NDUFS6: variants seen among roughly 807,000 people sequenced by gnomAD.
NDUFS6 encodes NADH:ubiquinone oxidoreductase subunit S6, also known as NADH dehydrogenase [ubiquinone] iron-sulfur protein 6, mitochondrial.
A neutral mutation model predicts 13.2 loss-of-function variants in NDUFS6; 14 were observed. That is an observed-to-expected ratio of 1.06 (90% CI 0.70 to 1.66). The LOEUF (loss-of-function observed/expected upper bound fraction) is 1.66, where lower values mean the gene tolerates loss of function less well. Among genes scored for constraint, NDUFS6 ranks in the 40% most tolerant of loss-of-function variants. The pLI is 0.00. For synonymous variants in NDUFS6, 95 were observed against 72.3 expected, an observed-to-expected ratio of 1.31 and a Z score of -1.60; for missense variants, 206 against 170.8, an observed-to-expected ratio of 1.21 and a Z score of -1.15.
chr5:1,802,139 T>G, intron 1 of NDUFS6, 182 bp from the exon 2 acceptor site: 1 of 594,536 alleles, frequency 1.7e-6, no homozygotes, highest in Non-Finnish European at 3.0e-6. Flanking sequence ...ACCACCCGTT[T>G]TCATCCCAGG....
In NDUFS6 at chr5:1,814,486, A is replaced by C; in HGVS notation, c.309+25A>C. The C allele has an allele frequency of 6.2e-7, 1 of 1,614,106 alleles. No homozygotes were observed. ...GGTGCGTAGCTGGCCACCTGTGCAC[A>C]TGTTAGGGCAGCCTGCTCGTCCTCA... On this transcript the variant is annotated intron_variant, in intron 3 of 3. Transcript: ENST00000274137. The surrounding 1 kb of genome is among the most constrained non-coding windows in gnomAD (Gnocchi z 4.9).
rs1561104749 is a variant in NDUFS6, at chr5:1,807,153, C to CGTGAGGTACTCAGAGGTACTGT, written c.186+4800_186+4801insTGTGAGGTACTCAGAGGTACTG. On this transcript the variant is annotated intron_variant, in intron 2 of 3. Coordinates refer to ENST00000274137, the MANE Select transcript of NDUFS6 (RefSeq NM_004553.6). ...CTGCGTGAGGTACTCAGAGGTACTG[C>CGTGAGGTACTCAGAGGTACTGT]GTGAGGTACTCAGAGGTACTGCGTG... Among the ~76,000 whole-genome samples, 351 of 101,674 alleles carry CGTGAGGTACTCAGAGGTACTGT rather than the reference C, an allele frequency of 3.5e-3. 4 individuals carry two copies. The highest frequency in any genetic ancestry group is 0.011 in the African/African-American group (339 of 31,588). The allele number at this position is 101,674 out of a possible 152,430, so 66.7% of individuals were successfully genotyped here.
At chr5:1,815,700 C>A in intron 3 of NDUFS6, 151 bp from the exon 4 acceptor site, 1 of 854,978 alleles carries the variant, frequency 1.2e-6, no homozygotes, top group Non-Finnish European at 1.9e-6. Context: ...CAGCCTGGAA[C>A]CGAGATCGAC....
chr5:1,801,912 T>G (rs1165153904), intron 1 of NDUFS6, among the ~76,000 whole-genome samples: 1 of 152,240 alleles, frequency 6.6e-6, no homozygotes, highest in East Asian at 1.9e-4. Context: ...AGAAGTCGGT[T>G]GTAGTCCAAG....
At chr5:1,809,069 T>G (rs1734170729) in intron 2 of NDUFS6, among the ~76,000 whole-genome samples, 1 of 152,252 alleles carries the variant, frequency 6.6e-6, no homozygotes, top group Non-Finnish European at 1.5e-5. Flanking sequence ...TAATCTCAGT[T>G]TGACACAATA....
Position 1,801,442 on chromosome 5 carries a change from C to A in NDUFS6, c.25C>A (p.Arg9=), listed in dbSNP as rs376509886. The change falls in exon 1 of 4, where the codon CGG becomes AGG. Residue 9 remains arginine, a synonymous_variant. Coordinates refer to ENST00000274137, the MANE Select transcript of NDUFS6 (RefSeq NM_004553.6). ...AATGGCGGCGGCGATGACCTTCTGC[C>A]GGCTGCTGAACCGGTGTGGCGAGGC... MAAAMTFC[R]LLNRCGEAAR... The A allele has an allele frequency of 1.2e-6, 2 of 1,605,168 alleles. No homozygotes were observed. Among genetic ancestry groups the A allele is most frequent in the East Asian group, 2.2e-5 (1 of 44,780 alleles).
At chr5:1,806,278 C>T (rs1030905007) in intron 2 of NDUFS6, among the ~76,000 whole-genome samples, 1 of 152,186 alleles carries the variant, frequency 6.6e-6, no homozygotes, top group Non-Finnish European at 1.5e-5. Flanking sequence ...CCTTCATCTG[C>T]CCGCCAGTGG....
intron 2 of NDUFS6, among the ~76,000 whole-genome samples, chr5:1,803,842 T>C (rs911115651): frequency 6.6e-6 from 1 of 152,244 alleles, no homozygotes; most frequent in African/African-American, 2.4e-5. Flanking sequence ...GTTAGGTATA[T>C]GAACTTGACA....
At chr5:1,805,472 T>G (rs1014284467) in intron 2 of NDUFS6, among the ~76,000 whole-genome samples, 1 of 152,106 alleles carries the variant, frequency 6.6e-6, no homozygotes, top group Non-Finnish European at 1.5e-5. Flanking sequence ...TGACCGGGGG[T>G]ACCTTCAAAG....
chr5:1,801,436 T>C lies in NDUFS6; in HGVS notation c.19T>C (p.Phe7Leu). ...GCGCAAAATGGCGGCGGCGATGACC[T>C]TCTGCCGGCTGCTGAACCGGTGTGG... is the stretch of plus-strand genomic sequence containing the variant. MAAAMT[F>L]CRLLNRCGEA... The change falls in exon 1 of 4, where the codon TTC (phenylalanine) becomes CTC (leucine). Residue 7 changes from phenylalanine (F) to leucine (L), a missense_variant. Transcript: ENST00000274137. 2 of 1,605,054 alleles carry C rather than the reference T, an allele frequency of 1.2e-6. No individual in the cohort carries two copies. Among genetic ancestry groups the C allele is most frequent in the Non-Finnish European group, 1.7e-6 (2 of 1,178,390 alleles).
At chr5:1,806,103 G>A (rs1263067220) in intron 2 of NDUFS6, among the ~76,000 whole-genome samples, 3 of 152,222 alleles carry the variant, frequency 2.0e-5, no homozygotes, top group Non-Finnish European at 4.4e-5. Context: ...GAAGTTAAAC[G>A]TTAGTGTCTA....
At chr5:1,807,881 C>T (rs1734151710) in intron 2 of NDUFS6, among the ~76,000 whole-genome samples, 1 of 152,150 alleles carries the variant, frequency 6.6e-6, no homozygotes, top group Non-Finnish European at 1.5e-5. Context: ...AGGAAGCAGC[C>T]ACTATTCCTA....
At chr5:1,813,606 C>T (rs1734254348) in intron 2 of NDUFS6, among the ~76,000 whole-genome samples, 1 of 152,130 alleles carries the variant, frequency 6.6e-6, no homozygotes, top group African/African-American at 2.4e-5. Flanking sequence ...TATGGAGACA[C>T]TTTTTTCATT....
rs757343281 is a variant in NDUFS6, at chr5:1,802,314, T to C, written c.133-7T>C. 4 of 1,613,882 alleles carry C rather than the reference T, an allele frequency of 2.5e-6. No homozygotes were observed. The highest frequency in any genetic ancestry group is 3.4e-6 in the Non-Finnish European group (4 of 1,179,846). ...AAGTCACACATGGTCTTTTTGTTTT[T>C]TTCCAGGTTTATGATGATAAAGACT... On this transcript the variant is annotated splice_polypyrimidine_tract_variant and splice_region_variant and intron_variant, in intron 1 of 3. Transcript: ENST00000274137.
intron 2 of NDUFS6, among the ~76,000 whole-genome samples, chr5:1,805,877 A>G (rs1353021155): frequency 6.6e-6 from 1 of 152,004 alleles, no homozygotes; most frequent in African/African-American, 2.4e-5. Flanking sequence ...GCCTGGCCGC[A>G]TCCGGATTCA....
rs747823401 is a variant in NDUFS6, at chr5:1,802,328, A to G, written c.140A>G (p.Asp47Gly). The G allele has an allele frequency of 6.2e-7, 1 of 1,614,042 alleles. No individual in the cohort carries two copies. Among genetic ancestry groups the G allele is most frequent in the Non-Finnish European group, 8.5e-7 (1 of 1,179,964 alleles). ...CTTTTTGTTTTTTTCCAGGTTTATG[A>G]TGATAAAGACTACAGGAGAATTCGG... ...EKVTHTGQVY[D>G]DKDYRRIRFV... The change falls in exon 2 of 4, where the codon GAT becomes GGT. Residue 47 changes from aspartate (D) to glycine (G), a missense_variant. By Grantham distance (94) the Asp-to-Gly change is moderately conservative. Transcript: ENST00000274137.
chr5:1,809,531 G>A (rs1226237624), intron 2 of NDUFS6, among the ~76,000 whole-genome samples: 1 of 152,222 alleles, frequency 6.6e-6, no homozygotes, highest in Non-Finnish European at 1.5e-5. Context: ...ACGTTTGCTG[G>A]TGATGGGCGG....
rs1194333338 is a variant in NDUFS6, at chr5:1,814,587, C to T, written c.309+126C>T. 10 of 1,419,370 alleles carry T rather than the reference C, an allele frequency of 7.0e-6. No homozygotes were observed. The highest frequency in any genetic ancestry group is 9.7e-6 in the Non-Finnish European group (10 of 1,031,002). 87.9% of individuals were successfully genotyped at this position (1,419,370 alleles called of 1,614,324 possible). On this transcript the variant is annotated intron_variant, in intron 3 of 3. Coordinates refer to ENST00000274137, the MANE Select transcript of NDUFS6 (RefSeq NM_004553.6). The surrounding 1 kb of genome is among the most constrained non-coding windows in gnomAD (Gnocchi z 4.9). ...CTCCCGAGGCGGCCCTTACGGGGTT[C>T]ACACTGCTGGCACATTCACCCTACA...
chr5:1,813,795 AGGACCTCTGT>A (rs1172550775), intron 2 of NDUFS6, among the ~76,000 whole-genome samples: 1 of 152,254 alleles, frequency 6.6e-6, no homozygotes, highest in Non-Finnish European at 1.5e-5. Flanking sequence ...ACCGGCATTC[AGGACCTCTGT>A]GGCCCAAGGG....
Sources: gnomAD v4.1 joint callset for allele counts (sites outside exome capture counted in the v4.1 genomes callset) on GRCh38, gnomAD v4.1.1 for gene constraint, Gnocchi (gnomAD v3.1) non-coding constraint, MANE v1.5 for transcripts, NCBI Gene and HGNC (gene_info 2026-07-23, HGNC 2026-07-21) for gene names.